Variants in HIVEP1 observed in about 807,000 individuals in gnomAD.
HIVEP1 encodes zinc finger protein 40.
In HIVEP1, 36 loss-of-function variants were observed where a neutral mutation model predicts 180.0. The observed-to-expected ratio is 0.20, with a 90% CI of 0.15 to 0.26. The LOEUF is 0.26. Ranked by LOEUF, HIVEP1 falls within the 10% of genes least tolerant of loss-of-function variation. The pLI, the probability that HIVEP1 is intolerant of heterozygous loss-of-function variation, is 1.00. For missense variants in HIVEP1, 3,143 were observed against 3,268.7 expected (o/e 0.96, Z 0.94); for synonymous variants, 1,239 against 1,239.0 (o/e 1.00, Z 0.00).
At chr6:12,194,345 G>A in the HIVEP1 span, among the ~76,000 whole-genome samples, 1 of 151,840 alleles carries the variant, frequency 6.6e-6, no homozygotes, top group African/African-American at 2.4e-5. Flanking sequence ...TTCAGGAAGA[G>A]ATCTAAAGGA....
rs773551883 is a variant in HIVEP1 at position 12,120,727 on chromosome 6, T to G, written c.932T>G (p.Leu311Arg). ...LPGCSGFTGS[L>R]TNLQNQENAK... ...GGGTGTTCAGGTTTCACAGGATCAC[T>G]GACAAATCTGCAAAATCAAGAGAAT... Residue 311 changes from leucine (L) to arginine (R), a missense_variant, in exon 4 of 9, where the codon CTG becomes CGG. Leu to Arg is a moderately radical substitution (Grantham distance 102). Coordinates refer to ENST00000379388, the MANE Select transcript of HIVEP1 (RefSeq NM_002114.4). 6.2e-7 allele frequency: 1 copy of G among 1,614,244 alleles called. No homozygotes were observed. The highest frequency in any genetic ancestry group is 8.5e-7 in the Non-Finnish European group (1 of 1,180,046).
In HIVEP1 at chr6:12,032,267, A is replaced by G. The variant is rs960909301; in HGVS notation, c.40+16599A>G. On this transcript the variant is annotated intron_variant, in intron 2 of 8. Coordinates refer to ENST00000379388, the MANE Select transcript of HIVEP1 (RefSeq NM_002114.4). ...GCCATTCTCCTGTCTCAGCCTCCCA[A>G]GTAGCTGCGACTACAAGAGCGCCAC... Among the ~76,000 whole-genome samples the G allele has an allele frequency of 9.2e-5, 14 of 151,406 alleles. No homozygotes were observed. The East Asian group carries it at 1.7e-3, about 19-fold the overall frequency.
At position 12,163,799 on chromosome 6, in the gene HIVEP1, G is replaced by T; in HGVS notation, c.7495G>T (p.Val2499Leu). ...PSLSMETVNI[V>L]GLANTNMAPQ... ...GTTAAGCATGGAAACCGTCAATATT[G>T]TAGGCCTAGCCAATACAAATATGGC... The change falls in exon 9 of 9, where the codon GTA becomes TTA. Residue 2499 changes from valine to leucine, a missense_variant. This residue lies in a region of HIVEP1 where 595 missense variants were observed against 602.2 expected (regional missense o/e 0.99). Transcript: ENST00000379388. 4 of 1,614,160 alleles carry T rather than the reference G, an allele frequency of 2.5e-6. No homozygotes were observed. In the Admixed American group the frequency reaches 5.0e-5, roughly 20 times the overall value.
the HIVEP1 span, among the ~76,000 whole-genome samples, chr6:12,176,204 CG>C: frequency 6.8e-6 from 1 of 146,794 alleles, no homozygotes; most frequent in Non-Finnish European, 1.5e-5. Flanking sequence ...TGGTTTGACT[CG>C]GGGTAATTTT....
intron 3 of HIVEP1, among the ~76,000 whole-genome samples, chr6:12,104,833 A>G (rs1436641712): frequency 6.6e-6 from 1 of 152,122 alleles, no homozygotes; most frequent in Non-Finnish European, 1.5e-5. Context: ...CTTTTCAAAT[A>G]TGCTGTGTCT....
intron 2 of HIVEP1, among the ~76,000 whole-genome samples, chr6:12,075,170 A>T (rs1772268090): frequency 6.6e-6 from 1 of 152,210 alleles, no homozygotes; most frequent in Admixed American, 6.5e-5. Context: ...ACACAGATGG[A>T]AGTGTACCAT....
intron 7 of HIVEP1, among the ~76,000 whole-genome samples, chr6:12,154,588 A>G (rs1490677136): frequency 1.3e-5 from 2 of 151,726 alleles, no homozygotes; most frequent in African/African-American, 4.8e-5. Context: ...ATAGAATTGT[A>G]TGTTCATCAC....
chr6:12,109,921 T>G (rs1774775130), intron 3 of HIVEP1, among the ~76,000 whole-genome samples: 1 of 152,216 alleles, frequency 6.6e-6, no homozygotes, highest in East Asian at 1.9e-4. Context: ...GCCTTGAAAG[T>G]AAAAATTACT....
the HIVEP1 span, among the ~76,000 whole-genome samples, chr6:12,183,722 G>A: frequency 4.6e-5 from 7 of 152,070 alleles, no homozygotes; most frequent in African/African-American, 1.4e-4. Flanking sequence ...CAAAATCGTA[G>A]TGTGGCACAT....
rs747856818 is a variant in HIVEP1 at position 12,120,559 on chromosome 6, C to T, written c.764C>T (p.Ser255Leu). Residue 255 changes from serine to leucine, a missense_variant, in exon 4 of 9, where the codon TCA becomes TTA. Ser to Leu is a moderately radical substitution (Grantham distance 145). Around this residue, in one of 12 missense-constraint regions of HIVEP1, gnomAD observed 306 missense variants for 310.6 expected, o/e 0.99. Transcript: ENST00000379388. ...NQTSQELVAE[S>L]QSSCTSYTVH... is the part of the protein sequence containing the mutation. ...ACTTCACAGGAATTGGTTGCTGAAT[C>T]ACAGTCTTCTTGTACCTCATACACA... 1 of 1,614,200 alleles carries T rather than the reference C, an allele frequency of 6.2e-7. No homozygotes were observed.
intron 2 of HIVEP1, among the ~76,000 whole-genome samples, chr6:12,023,231 A>T (rs1768363615): frequency 1.3e-5 from 2 of 151,994 alleles, no homozygotes; most frequent in South Asian, 4.1e-4. Context: ...TTGTGGGCCT[A>T]CTCCAGTGGT....
At chr6:12,015,847 T>C (rs1030289227) in intron 2 of HIVEP1, among the ~76,000 whole-genome samples, 179 bp downstream of exon 2, 1 of 152,240 alleles carries the variant, frequency 6.6e-6, no homozygotes, top group Non-Finnish European at 1.5e-5. Context: ...ACTTAATAAA[T>C]ATCTGTTGAA....
chr6:12,102,281 G>A (rs1270197269), intron 3 of HIVEP1, among the ~76,000 whole-genome samples: 1 of 152,060 alleles, frequency 6.6e-6, no homozygotes, highest in Non-Finnish European at 1.5e-5. Context: ...AAGAACAACA[G>A]AATACACATT....
At chr6:12,150,841 C>T (rs1759660696) in intron 7 of HIVEP1, among the ~76,000 whole-genome samples, 1 of 151,960 alleles carries the variant, frequency 6.6e-6, no homozygotes, top group Admixed American at 6.6e-5. Context: ...CCCTAGGTTG[C>T]CATTGTTTAT....
At chr6:12,081,335 A>G (rs1410914671) in intron 2 of HIVEP1, among the ~76,000 whole-genome samples, 3 of 152,154 alleles carry the variant, frequency 2.0e-5, no homozygotes, top group Non-Finnish European at 4.4e-5. Context: ...CGTTCCCATC[A>G]GTCACTTTGC....
intron 2 of HIVEP1, among the ~76,000 whole-genome samples, chr6:12,050,931 C>T (rs1417651480): frequency 6.8e-6 from 1 of 147,244 alleles, no homozygotes; most frequent in Non-Finnish European, 1.5e-5. Context: ...CTCATTGCTA[C>T]TGGGTTGGCC....
At position 12,060,136 on chromosome 6, in the gene HIVEP1, CAT is replaced by C. The variant is rs763531130; in HGVS notation, c.41-29047_41-29046del. ...TGGAATTCTTTTTATTAGACCATCA[CAT>C]GTTTATAACCACTTACAGAATTTGA... On this transcript the variant is annotated intron_variant, in intron 2 of 8. Coordinates refer to ENST00000379388, the MANE Select transcript of HIVEP1 (RefSeq NM_002114.4). 1.8e-4 allele frequency among the ~76,000 whole-genome samples: 27 copies of C among 152,302 alleles called. 1 individual carries two copies. Among genetic ancestry groups the C allele is most frequent in the South Asian group, 4.1e-4 (2 of 4,824 alleles).
chr6:12,044,890 T>G (rs1245373909), intron 2 of HIVEP1, among the ~76,000 whole-genome samples: 1 of 152,264 alleles, frequency 6.6e-6, no homozygotes, highest in Non-Finnish European at 1.5e-5. Context: ...TCCTCCTTCC[T>G]TCTCCAAGCT....
intron 3 of HIVEP1, among the ~76,000 whole-genome samples, chr6:12,099,183 G>GGTTT (rs373744044): frequency 2.9e-5 from 4 of 138,440 alleles, no homozygotes; most frequent in African/African-American, 1.1e-4. Flanking sequence ...ATGTCACTGA[G>GGTTT]TTTTTTTTTT....
Sources: gnomAD v4.1 joint callset for allele counts (sites outside exome capture counted in the v4.1 genomes callset) on GRCh38, gnomAD v4.1.1 for gene constraint, gnomAD v4.1.1 regional missense constraint, MANE v1.5 for transcripts, NCBI Gene and HGNC (gene_info 2026-07-23, HGNC 2026-07-21) for gene names.